Variants in TMPRSS15 observed in about 807,000 individuals in gnomAD.
TMPRSS15 encodes transmembrane serine protease 15, also known as enteropeptidase.
A neutral mutation model predicts 125.3 loss-of-function variants in TMPRSS15; 128 were observed. The observed-to-expected ratio is 1.02, with a 90% confidence interval of 0.89 to 1.18. The LOEUF (loss-of-function observed/expected upper bound fraction) is 1.18. Ranked by LOEUF, TMPRSS15 falls within the 50% of genes most tolerant of loss-of-function variation. The probability of loss-of-function intolerance (pLI) is 0.00; values close to 1 mark genes in which losing one functional copy is unlikely to be tolerated. For synonymous variants in TMPRSS15, 446 were observed against 423.2 expected (o/e 1.05, Z -0.66); for missense variants, 1,283 against 1,212.7 (o/e 1.06, Z -0.86).
intron 1 of TMPRSS15, among the ~76,000 whole-genome samples, chr21:18,427,736 C>A (rs1222586069): frequency 6.6e-6 from 1 of 152,186 alleles, no homozygotes. Context: ...GAGAAAAAAA[C>A]ACCTCAGTGT....
At chr21:18,475,059 T>A (rs1302720742) in intron 1 of TMPRSS15, among the ~76,000 whole-genome samples, 1 of 152,162 alleles carries the variant, frequency 6.6e-6, no homozygotes, top group Non-Finnish European at 1.5e-5. Flanking sequence ...ACTTTTAACA[T>A]TATTTCTAGG....
chr21:18,478,264 A>G (rs1978916948), intron 1 of TMPRSS15, among the ~76,000 whole-genome samples: 1 of 151,846 alleles, frequency 6.6e-6, no homozygotes, highest in Non-Finnish European at 1.5e-5. Flanking sequence ...TCATGTCTCC[A>G]TCTACACCGT....
chr21:18,289,437 G>C (rs8126607), intron 21 of TMPRSS15, among the ~76,000 whole-genome samples: 55,129 of 152,040 alleles, frequency 0.36, 11,075 homozygotes, highest in East Asian at 0.52. Flanking sequence ...GCTTGAACCC[G>C]GGAGGCGGAG....
At chr21:18,305,634 C>G (rs1425778340) in intron 18 of TMPRSS15, among the ~76,000 whole-genome samples, 1 of 152,176 alleles carries the variant, frequency 6.6e-6, no homozygotes, top group African/African-American at 2.4e-5. Context: ...TATAACCAGG[C>G]TGTACCTTCA....
chr21:18,409,055 G>GA (rs2076159339), intron 1 of TMPRSS15, among the ~76,000 whole-genome samples: 1 of 152,092 alleles, frequency 6.6e-6, no homozygotes, highest in Non-Finnish European at 1.5e-5. Flanking sequence ...TCATATGTGA[G>GA]AAATCTTCCT....
chr21:18,304,282 T>C (rs957454954), intron 18 of TMPRSS15, among the ~76,000 whole-genome samples: 1 of 152,184 alleles, frequency 6.6e-6, no homozygotes, highest in African/African-American at 2.4e-5. Context: ...TGTGTATCTT[T>C]ATTTTGTTTT....
intron 1 of TMPRSS15, among the ~76,000 whole-genome samples, chr21:18,427,031 G>A (rs886762166): frequency 3.9e-5 from 6 of 152,148 alleles, no homozygotes; most frequent in African/African-American, 1.2e-4. Context: ...TAAAAAACAT[G>A]TTATTGATGT....
intron 1 of TMPRSS15, among the ~76,000 whole-genome samples, chr21:18,437,486 A>C (rs578040520): frequency 1.3e-5 from 2 of 152,342 alleles, no homozygotes; most frequent in East Asian, 3.9e-4. Context: ...GGATCTAATT[A>C]AACTAAAGAG....
At chr21:18,272,651 G>T (rs1187713074) in intron 24 of TMPRSS15, among the ~76,000 whole-genome samples, 1 of 151,834 alleles carries the variant, frequency 6.6e-6, no homozygotes, top group Non-Finnish European at 1.5e-5. Context: ...CTTGAATCCG[G>T]CAGGTGGAGG....
chr21:18,356,232 G>C (rs976149888), intron 8 of TMPRSS15, among the ~76,000 whole-genome samples: 3 of 151,790 alleles, frequency 2.0e-5, no homozygotes, highest in African/African-American at 7.2e-5. Flanking sequence ...TGGGGAATTT[G>C]GAAAGACGGC....
chr21:18,415,176 A>G (rs929873219), intron 1 of TMPRSS15, among the ~76,000 whole-genome samples: 3 of 152,134 alleles, frequency 2.0e-5, no homozygotes, highest in African/African-American at 7.2e-5. Flanking sequence ...AATGTCTATC[A>G]GGGTGCATGC....
At chr21:18,419,172 T>C (rs1037563510) in intron 1 of TMPRSS15, among the ~76,000 whole-genome samples, 17 of 151,980 alleles carry the variant, frequency 1.1e-4, no homozygotes, top group African/African-American at 4.1e-4. Flanking sequence ...CCCCAAAACT[T>C]TCCTAGTGCC....
chr21:18,335,412 A>G (rs2075382295), intron 13 of TMPRSS15, among the ~76,000 whole-genome samples: 1 of 152,244 alleles, frequency 6.6e-6, no homozygotes, highest in African/African-American at 2.4e-5. Flanking sequence ...GGATTTTGAC[A>G]TAATTGAACA....
At chr21:18,273,061 G>A (rs1194052999) in intron 24 of TMPRSS15, among the ~76,000 whole-genome samples, 1 of 152,160 alleles carries the variant, frequency 6.6e-6, no homozygotes, top group Non-Finnish European at 1.5e-5. Flanking sequence ...CAGGTTCTCA[G>A]GTGGTGCTGC....
chr21:18,450,935 A>C (rs2076267076), intron 1 of TMPRSS15, among the ~76,000 whole-genome samples: 1 of 152,218 alleles, frequency 6.6e-6, no homozygotes, highest in Non-Finnish European at 1.5e-5. Flanking sequence ...TACATGATAC[A>C]TTCTTCAGTT....
At position 18,410,015 on chromosome 21, in the gene TMPRSS15, G is replaced by A. The variant is rs76998359; in HGVS notation, c.11-11686C>T. Among the ~76,000 whole-genome samples the A allele has an allele frequency of 4.1e-3, 603 of 148,280 alleles. 7 individuals carry two copies. Among genetic ancestry groups the A allele is most frequent in the African/African-American group, 0.014 (551 of 40,056 alleles). On this transcript the variant is annotated intron_variant, in intron 1 of 7. Transcript: ENST00000422787. ...TCTTTCCATCTGGTTCATGCTTGTC[G>A]TAGTCCTACCTGTGTTATTTTTCAT...
At chr21:18,390,139 C>T (rs2075978739) in intron 3 of TMPRSS15, among the ~76,000 whole-genome samples, 1 of 152,178 alleles carries the variant, frequency 6.6e-6, no homozygotes, top group Admixed American at 6.5e-5. Flanking sequence ...CTATCTATGC[C>T]TTTCAGACAC....
intron 3 of TMPRSS15, among the ~76,000 whole-genome samples, chr21:18,386,400 A>G (rs1382369555): frequency 6.6e-6 from 1 of 152,204 alleles, no homozygotes; most frequent in Non-Finnish European, 1.5e-5. Flanking sequence ...GAAAGAGGCT[A>G]CAGCACATTT....
intron 19 of TMPRSS15, 53 bp from the exon 20 acceptor site, chr21:18,294,705 G>C: frequency 6.8e-7 from 1 of 1,477,716 alleles, no homozygotes; most frequent in Non-Finnish European, 9.5e-7. Context: ...ATATTTTCAA[G>C]TCAAACATCA....
Sources: allele counts gnomAD v4.1 joint callset (sites outside exome capture counted in the v4.1 genomes callset), GRCh38; gene constraint gnomAD v4.1.1; transcripts MANE v1.5; gene names NCBI Gene and HGNC (gene_info 2026-07-23, HGNC 2026-07-21).